Variants in CNTNAP2 observed in about 807,000 individuals in gnomAD.
CNTNAP2 encodes the protein contactin-associated protein-like 2.
CNTNAP2 carries 98 observed loss-of-function variants against 155.2 expected under a neutral mutation model. That is an observed-to-expected ratio of 0.63 (90% CI 0.54 to 0.75). The LOEUF is 0.75. Ranked by LOEUF, CNTNAP2 falls within the 30% of genes least tolerant of loss-of-function variation. The pLI, the probability that CNTNAP2 is intolerant of heterozygous loss-of-function variation, is 0.00. For synonymous variants in CNTNAP2, 651 were observed against 631.2 expected (o/e 1.03, Z -0.47); for missense variants, 1,727 against 1,688.1 (o/e 1.02, Z -0.40).
chr7:147,921,725 C>T (rs1800283998), intron 14 of CNTNAP2, among the ~76,000 whole-genome samples: 1 of 152,060 alleles, frequency 6.6e-6, no homozygotes, highest in Non-Finnish European at 1.5e-5. Flanking sequence ...TGTGAAGATC[C>T]CCATGTTTAT....
chr7:147,602,837 G>T (rs576829803), intron 12 of CNTNAP2, among the ~76,000 whole-genome samples: 1 of 151,592 alleles, frequency 6.6e-6, no homozygotes, highest in Non-Finnish European at 1.5e-5. Flanking sequence ...TTTTATGGCT[G>T]CATAGTATTC....
chr7:146,326,688 C>T (rs114573500), intron 1 of CNTNAP2, among the ~76,000 whole-genome samples: 3,864 of 152,200 alleles, frequency 0.025, 162 homozygotes, highest in African/African-American at 0.089. Flanking sequence ...AAAGCATCTC[C>T]GTGGATGAAA....
chr7:146,785,528 C>T (rs1398040510), intron 2 of CNTNAP2, among the ~76,000 whole-genome samples: 1 of 152,152 alleles, frequency 6.6e-6, no homozygotes, highest in Non-Finnish European at 1.5e-5. Context: ...TTCAAATACT[C>T]ATTGCTTATA....
chr7:146,833,136 C>T (rs1350075606), intron 2 of CNTNAP2, among the ~76,000 whole-genome samples: 3 of 151,990 alleles, frequency 2.0e-5, no homozygotes, highest in African/African-American at 7.3e-5. Flanking sequence ...TTTTATTTTT[C>T]CCTGTTGTAA....
At chr7:148,344,659 T>A (rs1391806695) in intron 21 of CNTNAP2, among the ~76,000 whole-genome samples, 1 of 152,184 alleles carries the variant, frequency 6.6e-6, no homozygotes, top group African/African-American at 2.4e-5. Context: ...ATTGTTGTCA[T>A]TCCTGCTAAT....
intron 17 of CNTNAP2, among the ~76,000 whole-genome samples, chr7:148,165,829 A>G (rs1196273847): frequency 1.3e-5 from 2 of 152,184 alleles, no homozygotes; most frequent in Non-Finnish European, 2.9e-5. Context: ...CCTGCAGGCA[A>G]GAAGCACGTC....
chr7:146,975,685 C>A (rs867456060), intron 3 of CNTNAP2, among the ~76,000 whole-genome samples: 1 of 152,126 alleles, frequency 6.6e-6, no homozygotes, highest in Non-Finnish European at 1.5e-5. Flanking sequence ...AAGATGAAAT[C>A]ACAGATGTGC....
At chr7:147,771,439 G>C (rs2116536022) in intron 13 of CNTNAP2, among the ~76,000 whole-genome samples, 1 of 152,334 alleles carries the variant, frequency 6.6e-6, no homozygotes, top group South Asian at 2.1e-4. Flanking sequence ...TCATCCCTAA[G>C]GGGGCTGAAT....
chr7:146,486,944 C>T (rs1161608158), intron 1 of CNTNAP2, among the ~76,000 whole-genome samples: 1 of 152,182 alleles, frequency 6.6e-6, no homozygotes, highest in East Asian at 1.9e-4. Flanking sequence ...TGTAACTTCA[C>T]TCTGTGACTT....
chr7:146,273,362 T>A (rs1031210759), intron 1 of CNTNAP2, among the ~76,000 whole-genome samples: 1 of 152,160 alleles, frequency 6.6e-6, no homozygotes, highest in Non-Finnish European at 1.5e-5. Flanking sequence ...TAATTTCTTA[T>A]GATTTTGAAC....
At chr7:148,326,851 C>T (rs1435134253) in intron 21 of CNTNAP2, among the ~76,000 whole-genome samples, 2 of 135,142 alleles carry the variant, frequency 1.5e-5, no homozygotes, top group South Asian at 2.6e-4. Context: ...AGCGACAGAG[C>T]GAGACCCCGT....
chr7:146,486,345 T>G (rs1444819557), intron 1 of CNTNAP2, among the ~76,000 whole-genome samples: 4 of 151,906 alleles, frequency 2.6e-5, no homozygotes, highest in African/African-American at 9.7e-5. Flanking sequence ...ATTACAGGCG[T>G]GAGCAACAGC....
At chr7:146,691,051 A>G (rs573867194) in intron 1 of CNTNAP2, among the ~76,000 whole-genome samples, 3 of 152,270 alleles carry the variant, frequency 2.0e-5, no homozygotes, top group African/African-American at 7.2e-5. Context: ...ATCTTCTCCA[A>G]ATTAATACCT....
chr7:147,756,514 G>A (rs777110889), intron 13 of CNTNAP2, among the ~76,000 whole-genome samples: 2 of 152,086 alleles, frequency 1.3e-5, no homozygotes, highest in Non-Finnish European at 2.9e-5. Context: ...TAGGATAGCC[G>A]ATGTTTTGTC....
chr7:147,395,705 A>T lies in CNTNAP2; in HGVS notation c.1595A>T (p.Asn532Ile). Residue 532 changes from asparagine (N) to isoleucine (I), a missense_variant, in exon 10 of 24, where the codon AAT (asparagine) becomes ATT (isoleucine). Coordinates refer to ENST00000361727, the MANE Select transcript of CNTNAP2 (RefSeq NM_014141.6). ...QLIQVDDQLV[N>I]LYEVAQRKPG... ...ATTCAAGTGGACGATCAACTTGTAA[A>T]TTTATACGAAGTGGCACAAAGGAAG... 1 of 1,612,596 alleles carries T rather than the reference A, an allele frequency of 6.2e-7. No individual in the cohort carries two copies. The highest frequency in any genetic ancestry group is 8.5e-7 in the Non-Finnish European group (1 of 1,178,912).
At chr7:148,213,729 C>T (rs983682472) in intron 18 of CNTNAP2, among the ~76,000 whole-genome samples, 2 of 151,768 alleles carry the variant, frequency 1.3e-5, no homozygotes, top group African/African-American at 4.8e-5. Context: ...GCCCGCCCTG[C>T]CTGCCCTTCC....
In CNTNAP2 at chr7:146,906,709, G is replaced by A. The variant is rs28868293; in HGVS notation, c.402+66805G>A. Among the ~76,000 whole-genome samples, 990 of 152,266 alleles carry A rather than the reference G, an allele frequency of 6.5e-3. 11 individuals are homozygous for A. Among genetic ancestry groups the A allele is most frequent in the African/African-American group, 0.021 (892 of 41,552 alleles). ...AAACCACAAAGATGGGGAGAAAACA[G>A]AACAGAAAAACTGGAAACTCTAAAA... is the stretch of plus-strand genomic sequence containing the variant. On this transcript the variant is annotated intron_variant, in intron 3 of 23. Coordinates refer to ENST00000361727, the MANE Select transcript of CNTNAP2 (RefSeq NM_014141.6).
chr7:146,184,159 C>A (rs1798590245), intron 1 of CNTNAP2, among the ~76,000 whole-genome samples: 1 of 152,168 alleles, frequency 6.6e-6, no homozygotes, highest in Non-Finnish European at 1.5e-5. Flanking sequence ...AAATCACGGA[C>A]TATAAGTATG....
intron 1 of CNTNAP2, among the ~76,000 whole-genome samples, chr7:146,569,917 T>G (rs987044751): frequency 1.3e-5 from 2 of 152,158 alleles, no homozygotes; most frequent in African/African-American, 4.8e-5. Flanking sequence ...TGAAAAGCCA[T>G]TGTAGCTTTC....
Sources: allele counts gnomAD v4.1 joint callset (sites outside exome capture counted in the v4.1 genomes callset), GRCh38; gene constraint gnomAD v4.1.1; transcripts MANE v1.5; gene names NCBI Gene and HGNC (gene_info 2026-07-23, HGNC 2026-07-21).